MTA3: variants seen among roughly 807,000 people sequenced by gnomAD.
MTA3 encodes the protein metastasis associated 1 family member 3, also known as metastasis-associated protein MTA3.
MTA3 carries 34 observed loss-of-function variants against 83.5 expected under a neutral mutation model. That is an observed-to-expected ratio of 0.41 (90% confidence interval 0.31 to 0.54). The LOEUF (loss-of-function observed/expected upper bound fraction) is 0.54, where lower values mean the gene tolerates loss of function less well. Among genes scored for constraint, MTA3 ranks in the 20% least tolerant of loss-of-function variants. MTA3 has a pLI of 0.33. For synonymous variants in MTA3, 303 were observed against 252.7 expected (o/e 1.20, Z -1.89); for missense variants, 761 against 726.4 (o/e 1.05, Z -0.55).
intron 8 of MTA3, among the ~76,000 whole-genome samples, chr2:42,672,364 C>T (rs985728124): frequency 1.3e-5 from 2 of 150,560 alleles, no homozygotes; most frequent in South Asian, 4.2e-4. Context: ...AAAAATAGGC[C>T]AGGTGCAGTG....
At chr2:42,650,349 A>G (rs1040365582) in intron 6 of MTA3, among the ~76,000 whole-genome samples, 3 of 152,212 alleles carry the variant, frequency 2.0e-5, no homozygotes, top group South Asian at 4.1e-4. Flanking sequence ...ATATTTACAT[A>G]ATTATAATAC....
chr2:42,517,877 A>AAAG (rs1675224129), intron 2 of MTA3, among the ~76,000 whole-genome samples: 2 of 151,162 alleles, frequency 1.3e-5, no homozygotes, highest in South Asian at 2.1e-4. Flanking sequence ...AAAAAAAAAA[A>AAAG]AAAAGAAGAA....
At chr2:42,581,410 C>T (rs890233071) in intron 3 of MTA3, among the ~76,000 whole-genome samples, 1 of 141,138 alleles carries the variant, frequency 7.1e-6, no homozygotes, top group Non-Finnish European at 1.5e-5. Flanking sequence ...TGCTCTCTTG[C>T]CCAGGCTGGA....
At chr2:42,539,087 ATAAGT>A (rs1290062544) in intron 2 of MTA3, among the ~76,000 whole-genome samples, 2 of 152,158 alleles carry the variant, frequency 1.3e-5, no homozygotes, top group African/African-American at 4.8e-5. Context: ...AAAAAATGTT[ATAAGT>A]GTTTCAATGT....
intron 12 of MTA3, among the ~76,000 whole-genome samples, chr2:42,704,979 T>C (rs1292724542): frequency 6.6e-6 from 1 of 152,200 alleles, no homozygotes; most frequent in Non-Finnish European, 1.5e-5. Context: ...ATCATCTATG[T>C]TTCCTTCCAG....
chr2:42,567,662 A>G (rs1235724009), upstream of MTA3, among the ~76,000 whole-genome samples: 1 of 144,404 alleles, frequency 6.9e-6, no homozygotes, highest in Non-Finnish European at 1.5e-5. Flanking sequence ...TTTTTTTTGT[A>G]TCTGTGAGAG....
At chr2:42,516,995 C>G (rs1000831802) in intron 2 of MTA3, among the ~76,000 whole-genome samples, 1 of 152,168 alleles carries the variant, frequency 6.6e-6, no homozygotes, top group African/African-American at 2.4e-5. Flanking sequence ...TGTGGTGGCT[C>G]ACGCCTGTAA....
chr2:42,520,893 C>T (rs1197098069), intron 2 of MTA3, among the ~76,000 whole-genome samples: 4 of 152,140 alleles, frequency 2.6e-5, no homozygotes, highest in African/African-American at 4.8e-5. Context: ...AGCCTCTCCA[C>T]CCCAGTGGAG....
At chr2:42,641,154 T>C (rs1687658183) in intron 5 of MTA3, among the ~76,000 whole-genome samples, 1 of 151,702 alleles carries the variant, frequency 6.6e-6, no homozygotes, top group Admixed American at 6.6e-5. Context: ...TGATCTGCCT[T>C]CCTCAGCCTC....
chr2:42,713,106 G>T (rs1217719320), intron 14 of MTA3, among the ~76,000 whole-genome samples: 1 of 152,234 alleles, frequency 6.6e-6, no homozygotes, highest in East Asian at 1.9e-4. Flanking sequence ...AAGCTAAAGT[G>T]CCTGGAAAAG....
At chr2:42,709,212 C>T in intron 14 of MTA3, 116 bp downstream of exon 14, 1 of 1,454,636 alleles carries the variant, frequency 6.9e-7, no homozygotes, top group Non-Finnish European at 9.0e-7. Flanking sequence ...TTCTTGTGTA[C>T]AGCCTTTTAT....
chr2:42,591,727 T>G (rs917864998), intron 3 of MTA3, among the ~76,000 whole-genome samples: 1 of 152,108 alleles, frequency 6.6e-6, no homozygotes, highest in African/African-American at 2.4e-5. Flanking sequence ...CTCAGCTCAC[T>G]GCAATCTCCG....
intron 3 of MTA3, among the ~76,000 whole-genome samples, chr2:42,587,654 T>A (rs181717208): frequency 6.6e-6 from 1 of 152,252 alleles, no homozygotes; most frequent in African/African-American, 2.4e-5. Context: ...TGGAGTGTAG[T>A]GGCACAGTCT....
intron 3 of MTA3, among the ~76,000 whole-genome samples, chr2:42,591,202 C>T (rs1680949376): frequency 6.6e-6 from 1 of 152,114 alleles, no homozygotes; most frequent in South Asian, 2.1e-4. Context: ...GTATTGAATA[C>T]TGTATGCAGG....
chr2:42,592,282 C>T (rs113084761), intron 3 of MTA3, among the ~76,000 whole-genome samples: 7 of 151,402 alleles, frequency 4.6e-5, no homozygotes, highest in Non-Finnish European at 1.0e-4. Flanking sequence ...CAAAACAAAA[C>T]AAAAAACCAA....
chr2:42,738,926 C>CA (rs1668814188), intron 16 of MTA3, among the ~76,000 whole-genome samples: 1 of 152,178 alleles, frequency 6.6e-6, no homozygotes, highest in Non-Finnish European at 1.5e-5. Context: ...CGGTTGATCT[C>CA]AAAACCCTGT....
intron 2 of MTA3, among the ~76,000 whole-genome samples, chr2:42,543,635 G>A (rs897614933): frequency 1.3e-5 from 2 of 148,402 alleles, no homozygotes; most frequent in African/African-American, 5.0e-5. Context: ...ATACTCACTT[G>A]GGAGGTTACT....
chr2:42,690,873 T>TTTAG (rs1218099886), intron 9 of MTA3, among the ~76,000 whole-genome samples: 1 of 145,590 alleles, frequency 6.9e-6, no homozygotes, highest in Admixed American at 6.9e-5. Context: ...TATTTATTTA[T>TTTAG]TTATTTATTT....
intron 6 of MTA3, 62 bp downstream of exon 6, chr2:42,644,306 A>G (rs1687962493): frequency 5.6e-6 from 6 of 1,063,330 alleles, no homozygotes; most frequent in East Asian, 4.9e-5. Context: ...TCAAATATAC[A>G]TGTCCTCATG....
Sources: gnomAD v4.1 joint callset for allele counts (sites outside exome capture counted in the v4.1 genomes callset) on GRCh38, gnomAD v4.1.1 for gene constraint, MANE v1.5 for transcripts, NCBI Gene and HGNC (gene_info 2026-07-23, HGNC 2026-07-21) for gene names.